The following WASHC2A variants were observed in gnomAD, a reference collection of about 807,000 sequenced individuals.
WASHC2A encodes the protein WASH complex subunit FAM21A.
A neutral mutation model predicts 140.3 loss-of-function variants in WASHC2A; 82 were observed. The ratio of observed to expected loss-of-function variants is 0.58; its 90% CI spans 0.49 to 0.70. The LOEUF (loss-of-function observed/expected upper bound fraction) is 0.70. WASHC2A is among the 30% of genes least tolerant of loss of function. The pLI, the probability that WASHC2A is intolerant of heterozygous loss-of-function variation, is 0.00. For missense variants in WASHC2A, 985 were observed against 1,521.8 expected, an observed-to-expected ratio of 0.65 and a Z score of 5.87; for synonymous variants, 340 against 560.8, an observed-to-expected ratio of 0.61 and a Z score of 5.56.
intron 30 of WASHC2A, 40 bp from the exon 31 acceptor site, chr10:50,132,766 A>G (rs1844096005): frequency 6.2e-7 from 1 of 1,611,800 alleles, no homozygotes; most frequent in Admixed American, 1.7e-5. Flanking sequence ...ACCTTTCTCC[A>G]CCCCTCTTCA....
chr10:50,084,824 C>T (rs1470365610), intron 6 of WASHC2A, among the ~76,000 whole-genome samples: 5 of 149,288 alleles, frequency 3.3e-5, no homozygotes, highest in African/African-American at 1.0e-4. Context: ...CAACCTCCAC[C>T]TCCTGGGTTC....
At chr10:50,090,514 A>T (rs1295111339) in intron 8 of WASHC2A, among the ~76,000 whole-genome samples, 13,242 of 75,938 alleles carry the variant, frequency 0.17, 838 homozygotes, top group Middle Eastern at 0.29. Context: ...AAAAAAAAAA[A>T]AATATATATA....
chr10:50,100,769 TC>T (rs1841049391), intron 17 of WASHC2A, among the ~76,000 whole-genome samples: 1 of 152,260 alleles, frequency 6.6e-6, no homozygotes, highest in South Asian at 2.1e-4. Flanking sequence ...ATCTGTCTTG[TC>T]GAGACTGAGA....
At chr10:50,095,094 G>A (rs1564770110) in intron 13 of WASHC2A, 54 bp from the exon 14 acceptor site, 55 of 1,591,724 alleles carry the variant, frequency 3.5e-5, no homozygotes, top group Non-Finnish European at 4.3e-5. Context: ...GAAGAAAATA[G>A]CAAGGAAAGT....
rs1840438268 is a variant in WASHC2A, at chr10:50,095,722, A to T, written c.1364A>T (p.Asp455Val). 6.2e-7 allele frequency: 1 copy of T among 1,611,364 alleles called. No individual in the cohort carries two copies. The highest frequency in any genetic ancestry group is 1.3e-5 in the African/African-American group (1 of 74,678). Residue 455 changes from aspartate (D) to valine (V), a missense_variant, in exon 15 of 31, where the codon GAT becomes GTT. Coordinates refer to ENST00000282633, the MANE Select transcript of WASHC2A (RefSeq NM_001005751.3). ...PPPTGLFDDD[D>V]GDDDDDFFSA... Reference sequence around the variant, plus strand: ...CCCACTGGCCTCTTTGATGATGATGATGGTGATGATGATGACGACTTTTTC... The same window carrying T: ...CCCACTGGCCTCTTTGATGATGATGTTGGTGATGATGATGACGACTTTTTC...
chr10:50,090,516 AT>A (rs1256819268), intron 8 of WASHC2A, among the ~76,000 whole-genome samples: 198 of 42,186 alleles, frequency 4.7e-3, no homozygotes, highest in South Asian at 6.4e-3. Flanking sequence ...AAAAAAAAAA[AT>A]ATATATATAT....
rs1840408210 is a variant in WASHC2A at position 50,095,565 on chromosome 10, C to T, written c.1241-34C>T. On this transcript the variant is annotated intron_variant, in intron 14 of 30. Coordinates refer to ENST00000282633, the MANE Select transcript of WASHC2A (RefSeq NM_001005751.3). ...TAAATTCAACCGGCCCACACTGGCT[C>T]ACAGCTGTGGCTGTCTTGTCTTTCC... 3.7e-6 allele frequency: 6 copies of T among 1,611,654 alleles called. No individual in the cohort carries two copies. The South Asian group carries it at 5.5e-5, about 15-fold the overall frequency.
At chr10:50,090,481 C>T (rs1589188996) in intron 8 of WASHC2A, among the ~76,000 whole-genome samples, 1 of 102,556 alleles carries the variant, frequency 9.8e-6, no homozygotes, top group African/African-American at 3.2e-5. Context: ...CCAGCCTGGG[C>T]CACAGAGCTA....
At chr10:50,103,117 T>G (rs1479230776) in intron 17 of WASHC2A, among the ~76,000 whole-genome samples, 1 of 151,538 alleles carries the variant, frequency 6.6e-6, no homozygotes, top group African/African-American at 2.4e-5. Context: ...CCCAAAATGC[T>G]GGGATTATAG....
intron 3 of WASHC2A, among the ~76,000 whole-genome samples, 197 bp downstream of exon 3, chr10:50,069,908 C>G (rs1837645189): frequency 6.6e-6 from 1 of 152,112 alleles, no homozygotes; most frequent in Non-Finnish European, 1.5e-5. Context: ...CTAAAAAAGT[C>G]TAATGATAAC....
intron 30 of WASHC2A, 54 bp downstream of exon 30, chr10:50,131,132 G>C: frequency 6.2e-7 from 1 of 1,611,910 alleles, no homozygotes; most frequent in Non-Finnish European, 8.5e-7. Flanking sequence ...TCTGTCACTT[G>C]GTATTTTTCT....
At chr10:50,076,482 TTTGA>T (rs1200333072) in intron 3 of WASHC2A, among the ~76,000 whole-genome samples, 8 of 152,148 alleles carry the variant, frequency 5.3e-5, no homozygotes, top group Non-Finnish European at 1.0e-4. Context: ...AACAACATTG[TTTGA>T]TCAGATTGGC....
intron 14 of WASHC2A, 105 bp from the exon 15 acceptor site, chr10:50,095,494 G>T (rs1840395310): frequency 6.8e-7 from 1 of 1,473,060 alleles, no homozygotes; most frequent in Non-Finnish European, 9.3e-7. Context: ...GCATTTTGTG[G>T]ATTAACTGAA....
At chr10:50,098,044 A>G (rs1188695194) in intron 16 of WASHC2A, among the ~76,000 whole-genome samples, 27 of 151,366 alleles carry the variant, frequency 1.8e-4, no homozygotes, top group African/African-American at 6.3e-4. Flanking sequence ...TTCCTGAACT[A>G]TTTGCATGTA....
intron 20 of WASHC2A, among the ~76,000 whole-genome samples, chr10:50,110,892 C>CAAAAAA (rs1239943523): frequency 2.0e-4 from 14 of 69,724 alleles, no homozygotes; most frequent in African/African-American, 4.3e-4. Flanking sequence ...GACTCCATCT[C>CAAAAAA]AAAAAAAAAA....
chr10:50,121,575 G>A (rs1341886391), intron 23 of WASHC2A, among the ~76,000 whole-genome samples: 2 of 150,480 alleles, frequency 1.3e-5, no homozygotes, highest in African/African-American at 5.0e-5. Flanking sequence ...TGTATTTTTA[G>A]TAGAGACAGG....
chr10:50,089,257 G>A lies in WASHC2A; in HGVS notation c.733-1519G>A, dbSNP rs1338741954. ...TGGGATTACAGGCGTGAGCCACCAC[G>A]CCCGGCCACAAACAGTTTTTCAAAA... On this transcript the variant is annotated intron_variant, in intron 8 of 30. Coordinates refer to ENST00000282633, the MANE Select transcript of WASHC2A (RefSeq NM_001005751.3). Among the ~76,000 whole-genome samples the A allele has an allele frequency of 4.2e-5, 6 of 142,842 alleles. No homozygotes were observed. The East Asian group carries it at 1.2e-3, about 28-fold the overall frequency. The allele number at this position is 142,842 out of a possible 152,430, so 93.7% of individuals were successfully genotyped here. A position where few individuals can be genotyped will look rare whatever the true frequency, so the allele number is the denominator to read the frequency against.
chr10:50,129,675 C>T lies in WASHC2A; in HGVS notation c.3344C>T (p.Pro1115Leu). ...GGPVPGVDRS[P>L]FAKSLGHSRG... is the part of the protein sequence containing the mutation. ...CCTGTGCCTGGAGTGGACAGAAGCCCCTTTGCAAAGTCTCTGGGTCATTCC... is the reference window on the plus strand; with the variant it reads ...CCTGTGCCTGGAGTGGACAGAAGCCTCTTTGCAAAGTCTCTGGGTCATTCC... Residue 1115 changes from proline (P) to leucine (L), a missense_variant, in exon 29 of 31, where the codon CCC becomes CTC. By Grantham distance (98) the Pro-to-Leu change is moderately conservative (BLOSUM62 -3). Transcript: ENST00000282633. 6.2e-7 allele frequency: 1 copy of T among 1,612,046 alleles called. No homozygotes were observed. The highest frequency in any genetic ancestry group is 8.5e-7 in the Non-Finnish European group (1 of 1,179,872).
At chr10:50,125,918 G>C (rs1843386883) in intron 25 of WASHC2A, 139 bp from the exon 26 acceptor site, 1 of 945,402 alleles carries the variant, frequency 1.1e-6, no homozygotes, top group Non-Finnish European at 1.6e-6. Flanking sequence ...TTTCTGAAAT[G>C]CTACCTTTGA....
Sources: gnomAD v4.1 joint callset for allele counts (sites outside exome capture counted in the v4.1 genomes callset) on GRCh38, gnomAD v4.1.1 for gene constraint, MANE v1.5 for transcripts, NCBI Gene and HGNC (gene_info 2026-07-23, HGNC 2026-07-21) for gene names.